RAB3C: variants seen among roughly 807,000 people sequenced by gnomAD.
RAB3C encodes RAB3C, member RAS oncogene family, also known as ras-related protein Rab-3C.
A neutral mutation model predicts 26.4 loss-of-function variants in RAB3C; 17 were observed. That is an observed-to-expected ratio of 0.64 (90% CI 0.44 to 0.97). RAB3C has a LOEUF of 0.97. RAB3C is among the 50% of genes least tolerant of loss of function. The pLI is 0.00. For missense variants in RAB3C, 242 were observed against 281.9 expected (o/e 0.86, Z 1.01); for synonymous variants, 91 against 95.9 (o/e 0.95, Z 0.30).
chr5:58,784,558 T>C (rs1290187235), intron 3 of RAB3C, among the ~76,000 whole-genome samples: 1 of 152,054 alleles, frequency 6.6e-6, no homozygotes, highest in Admixed American at 6.6e-5. Context: ...GGTTTACATG[T>C]ATTGCTGCTT....
chr5:58,647,719 A>G (rs1322463600), intron 2 of RAB3C: 1 of 152,208 alleles, frequency 6.6e-6, no homozygotes, highest in Non-Finnish European at 1.5e-5. Context: ...AGGGTAAGTA[A>G]CCACCATAAA....
At chr5:58,719,480 C>T (rs375468293) in intron 2 of RAB3C, among the ~76,000 whole-genome samples, 5 of 152,030 alleles carry the variant, frequency 3.3e-5, no homozygotes, top group African/African-American at 1.2e-4. Flanking sequence ...ATATTGCCTT[C>T]AGTCTGATCA....
At chr5:58,731,648 T>A (rs530041109) in intron 3 of RAB3C, among the ~76,000 whole-genome samples, 9 of 152,298 alleles carry the variant, frequency 5.9e-5, no homozygotes, top group South Asian at 2.1e-4. Context: ...TGGTAGCAAG[T>A]ATAACTGACC....
At chr5:58,601,479 T>A (rs1397382970) in intron 1 of RAB3C, among the ~76,000 whole-genome samples, 1 of 152,190 alleles carries the variant, frequency 6.6e-6, no homozygotes, top group African/African-American at 2.4e-5. Context: ...GTTCCTGGAC[T>A]TTTTTATGTT....
intron 2 of RAB3C, among the ~76,000 whole-genome samples, chr5:58,655,316 C>A (rs140910481): frequency 2.1e-4 from 32 of 152,088 alleles, no homozygotes; most frequent in Non-Finnish European, 4.4e-4. Context: ...TTGCAGTGAC[C>A]AATGAAATAC....
intron 3 of RAB3C, among the ~76,000 whole-genome samples, chr5:58,813,592 TTATA>T (rs869039335): frequency 0.012 from 584 of 47,578 alleles, 8 homozygotes; most frequent in Admixed American, 0.039. Context: ...ATATTTATAT[TTATA>T]TATATATATA....
At chr5:58,812,151 C>A (rs1743106352) in intron 3 of RAB3C, among the ~76,000 whole-genome samples, 1 of 152,186 alleles carries the variant, frequency 6.6e-6, no homozygotes, top group South Asian at 2.1e-4. Flanking sequence ...TCTCACAAAA[C>A]CTGGATGTGA....
chr5:58,642,739 C>T (rs1747434869), intron 2 of RAB3C, among the ~76,000 whole-genome samples: 1 of 152,224 alleles, frequency 6.6e-6, no homozygotes. Context: ...CTTTTAACTT[C>T]ACTTCTTCCT....
At chr5:58,659,421 C>A (rs1207553275) in intron 2 of RAB3C, among the ~76,000 whole-genome samples, 2 of 152,144 alleles carry the variant, frequency 1.3e-5, no homozygotes, top group African/African-American at 4.8e-5. Flanking sequence ...CAGTTATTTG[C>A]AGGCATCATG....
At chr5:58,803,328 T>A (rs1048342526) in intron 3 of RAB3C, among the ~76,000 whole-genome samples, 4 of 152,312 alleles carry the variant, frequency 2.6e-5, no homozygotes, top group African/African-American at 9.6e-5. Flanking sequence ...ATTTTAGGTT[T>A]GTGGTTTTTA....
intron 2 of RAB3C, among the ~76,000 whole-genome samples, chr5:58,628,635 A>G (rs1337880672): frequency 7.3e-6 from 1 of 137,358 alleles, no homozygotes; most frequent in Non-Finnish European, 1.6e-5. Context: ...TTAGTGGAAC[A>G]GGGTGGCAAC....
At chr5:58,691,421 G>T (rs1446398162) in intron 2 of RAB3C, among the ~76,000 whole-genome samples, 1 of 152,162 alleles carries the variant, frequency 6.6e-6, no homozygotes, top group African/African-American at 2.4e-5. Context: ...AAAAGCCAAG[G>T]AAAGAAGCAA....
At chr5:58,696,875 C>G (rs956665403) in intron 2 of RAB3C, among the ~76,000 whole-genome samples, 1 of 152,108 alleles carries the variant, frequency 6.6e-6, no homozygotes, top group Non-Finnish European at 1.5e-5. Flanking sequence ...AAAACCAGCT[C>G]CTGGATTCAT....
chr5:58,795,782 TAGAA>T lies in RAB3C; in HGVS notation c.372-29248_372-29245del, dbSNP rs550718766. Among the ~76,000 whole-genome samples the T allele has an allele frequency of 1.7e-4, 25 of 151,406 alleles. No homozygotes were observed. In the South Asian group the frequency reaches 5.2e-3, roughly 32 times the overall value. On this transcript the variant is annotated intron_variant, in intron 3 of 4. Transcript: ENST00000282878. ...ATGCAAAGAAATTCTACAGTGGTGG[TAGAA>T]AGAAAGATAGGAGGTAGGGCAGAAG...
intron 3 of RAB3C, among the ~76,000 whole-genome samples, chr5:58,728,445 C>A (rs1740934970): frequency 6.6e-6 from 1 of 152,026 alleles, no homozygotes; most frequent in Admixed American, 6.6e-5. Context: ...ATGTGTTAAT[C>A]CAAACCATTC....
intron 3 of RAB3C, among the ~76,000 whole-genome samples, chr5:58,789,668 T>C (rs1268832958): frequency 1.3e-5 from 2 of 152,198 alleles, no homozygotes; most frequent in East Asian, 3.9e-4. Context: ...AAGTTTATGT[T>C]CTTTCCACTT....
chr5:58,853,969 T>C lies in RAB3C; in HGVS notation c.*2618T>C, dbSNP rs1744173634. ...CCAAGGTTAACTAAGTGGGCTTTCA[T>C]TGGCATTGAGCTATGTTACTTATAA... On this transcript the variant is annotated 3_prime_UTR_variant, in exon 5 of 5. Coordinates refer to ENST00000282878, the MANE Select transcript of RAB3C (RefSeq NM_138453.4). 6.6e-6 allele frequency: 1 copy of C among 151,832 alleles called. No individual in the cohort carries two copies. Among genetic ancestry groups the C allele is most frequent in the African/African-American group, 2.4e-5 (1 of 41,328 alleles). The allele number at this position is 151,832 out of a possible 1,614,324, so 9.4% of individuals were successfully genotyped here. A position where few individuals can be genotyped will look rare whatever the true frequency, so the allele number is the denominator to read the frequency against.
intron 3 of RAB3C, among the ~76,000 whole-genome samples, chr5:58,750,619 T>G (rs980552731): frequency 3.3e-5 from 5 of 152,212 alleles, no homozygotes; most frequent in Admixed American, 3.3e-4. Flanking sequence ...GGTCTCTGAC[T>G]CTCTTGAAAA....
intron 3 of RAB3C, among the ~76,000 whole-genome samples, chr5:58,756,348 TATATATATATATAAC>T (rs1376050972): frequency 2.4e-5 from 3 of 124,368 alleles, no homozygotes; most frequent in Admixed American, 1.6e-4. Context: ...ATATATATGT[TATATATATATATAAC>T]ATATATATAT....
Sources: allele counts gnomAD v4.1 joint callset (sites outside exome capture counted in the v4.1 genomes callset), GRCh38; gene constraint gnomAD v4.1.1; transcripts MANE v1.5; gene names NCBI Gene and HGNC (gene_info 2026-07-23, HGNC 2026-07-21).